SLMAP: variants seen among roughly 807,000 people sequenced by gnomAD.
The protein encoded by SLMAP is sarcolemmal membrane-associated protein.
A neutral mutation model predicts 128.8 loss-of-function variants in SLMAP; 44 were observed. That is an observed-to-expected ratio of 0.34 (90% CI 0.27 to 0.44). The LOEUF (loss-of-function observed/expected upper bound fraction) is 0.44, where lower values mean the gene tolerates loss of function less well. SLMAP is among the 20% of genes least tolerant of loss of function. The probability of loss-of-function intolerance (pLI) is 1.00; values close to 1 mark genes in which losing one functional copy is unlikely to be tolerated. For synonymous variants in SLMAP, 327 were observed against 348.8 expected (o/e 0.94, Z 0.70); for missense variants, 787 against 985.3 (o/e 0.80, Z 2.69).
chr3:57,789,755 A>G (rs898134244), intron 2 of SLMAP, among the ~76,000 whole-genome samples: 3 of 152,182 alleles, frequency 2.0e-5, no homozygotes, highest in Non-Finnish European at 4.4e-5. Flanking sequence ...TGATATTCCC[A>G]TAGATATTTT....
chr3:57,917,976 A>G (rs1164669269), intron 22 of SLMAP: 3 of 152,310 alleles, frequency 2.0e-5, no homozygotes, highest in African/African-American at 4.8e-5. Flanking sequence ...TGCTTAATCA[A>G]TGCAGTTTTT....
intron 4 of SLMAP, among the ~76,000 whole-genome samples, chr3:57,844,715 T>C (rs1039302926): frequency 3.4e-5 from 5 of 147,116 alleles, no homozygotes; most frequent in African/African-American, 1.0e-4. Flanking sequence ...TTTAGACTTT[T>C]TTTTTTTTTT....
intron 2 of SLMAP, among the ~76,000 whole-genome samples, chr3:57,814,161 G>A (rs897663037): frequency 1.3e-5 from 2 of 151,376 alleles, no homozygotes; most frequent in Admixed American, 6.6e-5. Context: ...CTCTCTCAGG[G>A]TGAACCCATC....
chr3:57,871,687 T>C lies in SLMAP; in HGVS notation c.1289T>C (p.Ile430Thr), dbSNP rs375841302. 36 of 1,611,482 alleles carry C rather than the reference T, an allele frequency of 2.2e-5. No individual in the cohort carries two copies. Among genetic ancestry groups the C allele is most frequent in the Non-Finnish European group, 2.8e-5 (33 of 1,177,926 alleles). The change falls in exon 14 of 25, where the codon ATA becomes ACA. Residue 430 changes from isoleucine to threonine, a missense_variant. This residue lies in a region of SLMAP where 715 missense variants were observed against 843.6 expected (regional missense o/e 0.85). Transcript: ENST00000671191. ...GACTGCACTTTTATTCATCAATTCA[T>C]AGAATGCCAGAGTGAGTACAGAGTA... ...GGDCTFIHQF[I>T]ECQKKLIVEG... is the part of the protein sequence containing the mutation.
intron 2 of SLMAP, among the ~76,000 whole-genome samples, chr3:57,793,461 G>A (rs1381305343): frequency 2.6e-5 from 4 of 152,178 alleles, no homozygotes; most frequent in African/African-American, 7.2e-5. Context: ...GTTTCTGTCC[G>A]TATGGAGCTG....
chr3:57,856,239 A>G (rs891838299), intron 6 of SLMAP, among the ~76,000 whole-genome samples: 1 of 152,098 alleles, frequency 6.6e-6, no homozygotes, highest in African/African-American at 2.4e-5. Flanking sequence ...AAGAAAAAAA[A>G]GTTCTTCTTT....
intron 2 of SLMAP, among the ~76,000 whole-genome samples, chr3:57,802,025 A>G (rs941861828): frequency 1.3e-5 from 2 of 152,144 alleles, no homozygotes; most frequent in African/African-American, 2.4e-5. Context: ...TGTTGTTTTT[A>G]TCCTTCCTCT....
chr3:57,809,263 G>C (rs1436692048), intron 2 of SLMAP, among the ~76,000 whole-genome samples: 22 of 152,224 alleles, frequency 1.4e-4, no homozygotes, highest in Admixed American at 1.4e-3. Context: ...AGGCCCCCCT[G>C]CCCTCGCAGG....
At chr3:57,904,465 T>C (rs1163936498) in intron 17 of SLMAP, among the ~76,000 whole-genome samples, 3 of 152,242 alleles carry the variant, frequency 2.0e-5, no homozygotes, top group Non-Finnish European at 4.4e-5. Flanking sequence ...GCAGACATGA[T>C]AGCCTTTATG....
chr3:57,802,529 G>A (rs372995408), intron 2 of SLMAP, among the ~76,000 whole-genome samples: 1 of 152,124 alleles, frequency 6.6e-6, no homozygotes, highest in African/African-American at 2.4e-5. Flanking sequence ...TGATCCACCT[G>A]CCTTGGCCTC....
intron 2 of SLMAP, among the ~76,000 whole-genome samples, chr3:57,812,336 C>A (rs898729435): frequency 6.6e-6 from 1 of 152,096 alleles, no homozygotes; most frequent in Non-Finnish European, 1.5e-5. Context: ...ACTATTCTTT[C>A]CCATTAAATG....
At chr3:57,844,029 C>G (rs112251359) in intron 4 of SLMAP, among the ~76,000 whole-genome samples, 39 of 151,920 alleles carry the variant, frequency 2.6e-4, no homozygotes, top group African/African-American at 8.9e-4. Flanking sequence ...ATCTGCTCCC[C>G]TCAGCCTCCC....
At chr3:57,910,579 TTGTC>T (rs1199838899) in intron 19 of SLMAP, among the ~76,000 whole-genome samples, 3 of 152,196 alleles carry the variant, frequency 2.0e-5, no homozygotes, top group Non-Finnish European at 2.9e-5. Context: ...TGCTATTTCT[TTGTC>T]TGGGCTATTA....
intron 21 of SLMAP, among the ~76,000 whole-genome samples, 160 bp downstream of exon 21, chr3:57,913,435 T>A (rs1160755529): frequency 6.6e-6 from 1 of 152,158 alleles, no homozygotes; most frequent in Non-Finnish European, 1.5e-5. Context: ...GAATAAATAC[T>A]TCAGCTTTTT....
intron 2 of SLMAP, among the ~76,000 whole-genome samples, chr3:57,780,628 G>A (rs941074222): frequency 2.0e-5 from 3 of 151,682 alleles, no homozygotes; most frequent in Admixed American, 6.6e-5. Context: ...TCAATTCTTT[G>A]TAGGTATTTC....
At chr3:57,835,475 A>G (rs2093595806) in intron 3 of SLMAP, among the ~76,000 whole-genome samples, 1 of 152,196 alleles carries the variant, frequency 6.6e-6, no homozygotes, top group South Asian at 2.1e-4. Flanking sequence ...AAATTCAGAA[A>G]TAAAGCTAGA....
chr3:57,891,116 A>G (rs759324559), intron 15 of SLMAP: 6 of 151,978 alleles, frequency 3.9e-5, no homozygotes, highest in African/African-American at 9.7e-5. Flanking sequence ...GTGAGATGAG[A>G]ACAGACCTTA....
chr3:57,782,765 G>A (rs1042718641), intron 2 of SLMAP, among the ~76,000 whole-genome samples: 21 of 152,186 alleles, frequency 1.4e-4, no homozygotes, highest in African/African-American at 4.1e-4. Flanking sequence ...GAGCCACTAT[G>A]CCCAGCCATG....
chr3:57,817,611 A>C (rs1490107909), intron 2 of SLMAP, among the ~76,000 whole-genome samples: 1 of 152,166 alleles, frequency 6.6e-6, no homozygotes, highest in African/African-American at 2.4e-5. Context: ...CTTTCTGTAT[A>C]ATCTTTGGAC....
Sources: allele counts gnomAD v4.1 joint callset (sites outside exome capture counted in the v4.1 genomes callset), GRCh38; gene constraint gnomAD v4.1.1; regional missense constraint gnomAD v4.1.1; transcripts MANE v1.5; gene names NCBI Gene and HGNC (gene_info 2026-07-23, HGNC 2026-07-21).